The following SLC9A4 variants were observed in gnomAD, a reference collection of about 807,000 sequenced individuals.
SLC9A4 encodes solute carrier family 9 member A4, also known as sodium/hydrogen exchanger 4.
Under a neutral mutation model 67.4 loss-of-function variants are expected in SLC9A4, and 63 were observed. The observed-to-expected ratio is 0.93, with a 90% CI of 0.76 to 1.15. The LOEUF is 1.15. Ranked by LOEUF, SLC9A4 falls within the 50% of genes most tolerant of loss-of-function variation. SLC9A4 has a pLI of 0.00. For synonymous variants in SLC9A4, 393 were observed against 367.2 expected (o/e 1.07, Z -0.80); for missense variants, 1,089 against 987.7 (o/e 1.10, Z -1.38).
intron 2 of SLC9A4, among the ~76,000 whole-genome samples, chr2:102,493,160 T>A (rs1684737568): frequency 6.6e-6 from 1 of 152,184 alleles, no homozygotes; most frequent in Non-Finnish European, 1.5e-5. Flanking sequence ...GCCTTCCAAG[T>A]CTCTTGGAAG....
chr2:102,490,108 T>C (rs1262465097), intron 2 of SLC9A4, among the ~76,000 whole-genome samples: 6 of 152,068 alleles, frequency 3.9e-5, no homozygotes, highest in Admixed American at 1.3e-4. Context: ...TTTTTTTTTT[T>C]AACTTGACAG....
At position 102,479,080 on chromosome 2, in the gene SLC9A4, C is replaced by T. The variant is rs1252537628; in HGVS notation, c.498C>T (p.Ala166=). 4 of 1,614,056 alleles carry T rather than the reference C, an allele frequency of 2.5e-6. No individual in the cohort carries two copies. The African/African-American group carries it at 5.3e-5, about 22-fold the overall frequency. The stretch of plus-strand genomic sequence containing the variant: ...TCCTGTGGTGGGCAGTATTGGGGGC[C>T]CTGATCAACGCCTTGGGCATTGGCC... The part of the protein sequence containing the change: ...GSILWWAVLG[A]LINALGIGLS... Residue 166 remains alanine (A), a synonymous_variant, in exon 2 of 12, where the codon GCC becomes GCT. Coordinates refer to ENST00000295269, the MANE Select transcript of SLC9A4 (RefSeq NM_001011552.4).
In SLC9A4 at chr2:102,491,317, C is replaced by CTTTTTTTTTTTTTTT. The variant is rs61708027; in HGVS notation, c.720+12036_720+12050dup. Among the ~76,000 whole-genome samples, 195 of 45,760 alleles carry CTTTTTTTTTTTTTTT rather than the reference C, an allele frequency of 4.3e-3. 20 individuals carry two copies. The highest frequency in any genetic ancestry group is 5.9e-3 in the Non-Finnish European group (144 of 24,512). 30.0% of individuals were successfully genotyped at this position (45,760 alleles called of 152,430 possible). A position where few individuals can be genotyped will look rare whatever the true frequency, so the allele number is the denominator to read the frequency against. The stretch of plus-strand genomic sequence containing the variant: ...ATTTCTCTTCCCATTTGTACTAATG[C>CTTTTTTTTTTTTTTT]TTTTTTTTTTTTTTTTTTTTTTTTT... On this transcript the variant is annotated intron_variant, in intron 2 of 11. Transcript: ENST00000295269.
chr2:102,485,271 A>G (rs1324121733), intron 2 of SLC9A4, among the ~76,000 whole-genome samples: 2 of 152,226 alleles, frequency 1.3e-5, no homozygotes, highest in African/African-American at 4.8e-5. Flanking sequence ...AGTTTATTCT[A>G]TGCAGCTCAG....
rs1447083882 is a variant in SLC9A4 at position 102,473,657 on chromosome 2, T to A, written c.-103T>A. On this transcript the variant is annotated 5_prime_UTR_variant, in exon 1 of 12. Transcript: ENST00000295269. ...GAGGACCCACAGACTGTACCTATATTACTTTTGACCCAGGTGGATGCAGTC... is the reference window on the plus strand; with the variant it reads ...GAGGACCCACAGACTGTACCTATATAACTTTTGACCCAGGTGGATGCAGTC... 1 of 1,439,584 alleles carries A rather than the reference T, an allele frequency of 6.9e-7. No individual in the cohort carries two copies. Among genetic ancestry groups the A allele is most frequent in the African/African-American group, 1.4e-5 (1 of 70,716 alleles). 89.2% of individuals were successfully genotyped at this position (1,439,584 alleles called of 1,614,324 possible). A position where few individuals can be genotyped will look rare whatever the true frequency, so the allele number is the denominator to read the frequency against.
chr2:102,509,417 C>G (rs1011247791), intron 6 of SLC9A4, among the ~76,000 whole-genome samples: 4 of 152,216 alleles, frequency 2.6e-5, no homozygotes, highest in African/African-American at 9.7e-5. Flanking sequence ...AACCTTAAGT[C>G]CATCTGCCAC....
chr2:102,530,654 G>A lies in SLC9A4; in HGVS notation c.2039-1676G>A, dbSNP rs564078813. On this transcript the variant is annotated intron_variant, in intron 11 of 11. Transcript: ENST00000295269. ...GTTGGAGTGAAAGAACAGGGTTTGG[G>A]GGCAGAAGCCTCCAGGCCATTGTTT... Among the ~76,000 whole-genome samples the A allele has an allele frequency of 7.2e-4, 110 of 152,272 alleles. No individual in the cohort carries two copies. In the South Asian group the frequency reaches 0.01, roughly 14 times the overall value.
intron 10 of SLC9A4, 146 bp downstream of exon 10, chr2:102,525,301 G>C: frequency 7.5e-7 from 1 of 1,330,890 alleles, no homozygotes; most frequent in Non-Finnish European, 1.0e-6. Context: ...AGATACTAAA[G>C]CAAGAGTGCA....
intron 1 of SLC9A4, among the ~76,000 whole-genome samples, chr2:102,476,402 G>C (rs563307052): frequency 6.6e-6 from 1 of 152,212 alleles, no homozygotes; most frequent in Non-Finnish European, 1.5e-5. Flanking sequence ...ATCATGAAAG[G>C]GAGAAGTTTT....
At chr2:102,515,384 G>A (rs1685255841) in intron 8 of SLC9A4, among the ~76,000 whole-genome samples, 1 of 148,724 alleles carries the variant, frequency 6.7e-6, no homozygotes, top group Admixed American at 6.6e-5. Context: ...AAATAAGGCA[G>A]AAAGCTTTGT....
At chr2:102,477,363 C>T (rs1035218365) in intron 1 of SLC9A4, among the ~76,000 whole-genome samples, 1 of 152,190 alleles carries the variant, frequency 6.6e-6, no homozygotes, top group Non-Finnish European at 1.5e-5. Context: ...CATCATTCTC[C>T]AACAATCTGT....
At chr2:102,514,337 A>G in intron 8 of SLC9A4, 86 bp downstream of exon 8, 1 of 801,562 alleles carries the variant, frequency 1.2e-6, no homozygotes, top group Non-Finnish European at 1.9e-6. Flanking sequence ...AAGGTATACG[A>G]GGAGTAAAGA....
intron 2 of SLC9A4, among the ~76,000 whole-genome samples, chr2:102,492,274 G>C (rs1343530789): frequency 6.6e-6 from 1 of 152,252 alleles, no homozygotes; most frequent in Admixed American, 6.5e-5. Context: ...CCCAAATGGG[G>C]AGTCTGTGTG....
At chr2:102,497,582 A>G (rs6543151) in intron 2 of SLC9A4, among the ~76,000 whole-genome samples, 107,439 of 151,798 alleles carry the variant, frequency 0.71, 38,732 homozygotes, top group Middle Eastern at 0.77. Context: ...AGCCCGAAAA[A>G]AGGAGTTCAT....
At position 102,503,715 on chromosome 2, in the gene SLC9A4, C is replaced by A. The variant is rs1257464844; in HGVS notation, c.980+8C>A. The A allele has an allele frequency of 6.2e-7, 1 of 1,613,202 alleles. No homozygotes were observed. The highest frequency in any genetic ancestry group is 8.5e-7 in the Non-Finnish European group (1 of 1,179,322). ...TCTCTCCGGCATCCTGGCGTGAGTA[C>A]AAACCAAGGATCAAGTCACATAGTA... On this transcript the variant is annotated splice_region_variant and intron_variant, in intron 3 of 11. Coordinates refer to ENST00000295269, the MANE Select transcript of SLC9A4 (RefSeq NM_001011552.4).
intron 11 of SLC9A4, among the ~76,000 whole-genome samples, chr2:102,526,911 G>T (rs886774170): frequency 2.6e-5 from 4 of 151,980 alleles, no homozygotes; most frequent in Non-Finnish European, 5.9e-5. Context: ...AAAATGATTT[G>T]CTATTAGCAA....
intron 4 of SLC9A4, 107 bp downstream of exon 4, chr2:102,505,578 T>A: frequency 3.6e-6 from 4 of 1,116,496 alleles, no homozygotes; most frequent in Non-Finnish European, 5.1e-6. Flanking sequence ...CTAACTGGTT[T>A]TACCGGTTAG....
chr2:102,500,104 G>A (rs1378067583), intron 2 of SLC9A4, among the ~76,000 whole-genome samples: 4 of 152,190 alleles, frequency 2.6e-5, no homozygotes, highest in East Asian at 1.9e-4. Flanking sequence ...TATTGAAGGC[G>A]AGCTCGCACT....
chr2:102,500,545 C>T (rs906940215), intron 2 of SLC9A4, among the ~76,000 whole-genome samples: 8 of 152,094 alleles, frequency 5.3e-5, no homozygotes, highest in African/African-American at 1.7e-4. Context: ...TGGCCTCCCC[C>T]GTCAACAAAG....
Sources: allele counts gnomAD v4.1 joint callset (sites outside exome capture counted in the v4.1 genomes callset), GRCh38; gene constraint gnomAD v4.1.1; transcripts MANE v1.5; gene names NCBI Gene and HGNC (gene_info 2026-07-23, HGNC 2026-07-21).